Variants in BCL2L13 observed in about 807,000 individuals in gnomAD.
BCL2L13 encodes BCL2 like 13, also known as bcl-2-like protein 13.
BCL2L13 carries 13 observed loss-of-function variants against 25.8 expected under a neutral mutation model. That is an observed-to-expected ratio of 0.50 (90% CI 0.33 to 0.80). The LOEUF is 0.80. Ranked by LOEUF, BCL2L13 falls within the 30% of genes least tolerant of loss-of-function variation. BCL2L13 has a pLI of 0.02. For synonymous variants in BCL2L13, 244 were observed against 230.3 expected, an observed-to-expected ratio of 1.06 and a Z score of -0.54; for missense variants, 504 against 574.9, an observed-to-expected ratio of 0.88 and a Z score of 1.26.
chr22:17,699,306 G>A (rs1381294815), intron 5 of BCL2L13, among the ~76,000 whole-genome samples: 1 of 152,148 alleles, frequency 6.6e-6, no homozygotes, highest in East Asian at 1.9e-4. Context: ...ATATGTCACT[G>A]TTATCATAAA....
At chr22:17,717,393 ATGT>A (rs921679933) in intron 6 of BCL2L13, among the ~76,000 whole-genome samples, 7 of 151,662 alleles carry the variant, frequency 4.6e-5, no homozygotes, top group Non-Finnish European at 8.8e-5. Flanking sequence ...AAAAGATCCA[ATGT>A]TGTTGTTCCC....
intron 2 of BCL2L13, among the ~76,000 whole-genome samples, chr22:17,662,091 A>T (rs1216565906): frequency 6.6e-6 from 1 of 152,138 alleles, no homozygotes; most frequent in Admixed American, 6.6e-5. Context: ...CAATGAATTT[A>T]TATTTCTGAT....
chr22:17,641,170 A>G (rs923554165), intron 1 of BCL2L13, among the ~76,000 whole-genome samples: 2 of 152,272 alleles, frequency 1.3e-5, no homozygotes, highest in East Asian at 1.9e-4. Flanking sequence ...GATTACAGGC[A>G]TGAGCCACTG....
At chr22:17,675,051 A>AATAC (rs746846177) in intron 2 of BCL2L13, among the ~76,000 whole-genome samples, 12 of 148,074 alleles carry the variant, frequency 8.1e-5, no homozygotes, top group South Asian at 2.2e-4. Context: ...GGGAAAGCCA[A>AATAC]ATACATACAT....
At chr22:17,725,351 T>C (rs2061266082) in intron 6 of BCL2L13, among the ~76,000 whole-genome samples, 1 of 152,210 alleles carries the variant, frequency 6.6e-6, no homozygotes, top group South Asian at 2.1e-4. Context: ...CAGGGCTCTG[T>C]CCTTATCTTC....
intron 6 of BCL2L13, among the ~76,000 whole-genome samples, chr22:17,721,403 T>C (rs540005765): frequency 3.0e-4 from 46 of 152,160 alleles, no homozygotes; most frequent in Non-Finnish European, 6.5e-4. Context: ...TTTGTTATGC[T>C]GCAAAAAGCT....
intron 1 of BCL2L13, among the ~76,000 whole-genome samples, chr22:17,648,954 A>T (rs2058585757): frequency 6.6e-6 from 1 of 152,164 alleles, no homozygotes; most frequent in Non-Finnish European, 1.5e-5. Flanking sequence ...TTTTAATTAG[A>T]GGCAGGGTGT....
rs1232064181 is a variant in BCL2L13, at chr22:17,702,120, TA to T, written c.457-122del. 8.8e-6 allele frequency: 7 copies of T among 795,950 alleles called. No individual in the cohort carries two copies. The Admixed American group carries it at 9.0e-5, about 10-fold the overall frequency. The allele number at this position is 795,950 out of a possible 1,614,324, so 49.3% of individuals were successfully genotyped here. A position where few individuals can be genotyped will look rare whatever the true frequency, so the allele number is the denominator to read the frequency against. ...ATAGAAGTTACTGTTTTATTTCCTT[TA>T]TATAATGAAAATAAAAATACCTTAA... On this transcript the variant is annotated intron_variant, in intron 5 of 6. Coordinates refer to ENST00000317582, the MANE Select transcript of BCL2L13 (RefSeq NM_015367.4).
At position 17,727,573 on chromosome 22, in the gene BCL2L13, T is replaced by C; in HGVS notation, c.*39T>C. On this transcript the variant is annotated 3_prime_UTR_variant, in exon 7 of 7. Coordinates refer to ENST00000317582, the MANE Select transcript of BCL2L13 (RefSeq NM_015367.4). ...AGAGAAAGACAGAAGGATGTAAGGT[T>C]GGAGTTGTATTGGCTGGAATTTGAA... The C allele has an allele frequency of 3.1e-6, 5 of 1,603,808 alleles. No homozygotes were observed. The highest frequency in any genetic ancestry group is 4.3e-6 in the Non-Finnish European group (5 of 1,174,052).
At chr22:17,707,900 G>C (rs1269638424) in intron 6 of BCL2L13, among the ~76,000 whole-genome samples, 1 of 151,862 alleles carries the variant, frequency 6.6e-6, no homozygotes, top group African/African-American at 2.4e-5. Flanking sequence ...CAAAAAAAAA[G>C]TGAAACAAAA....
At chr22:17,665,617 T>A (rs1176720449) in intron 2 of BCL2L13, among the ~76,000 whole-genome samples, 1 of 152,174 alleles carries the variant, frequency 6.6e-6, no homozygotes, top group Non-Finnish European at 1.5e-5. Context: ...AAGGTGAGAT[T>A]TGGGTTGGGA....
chr22:17,656,594 G>A (rs866899826), intron 2 of BCL2L13, among the ~76,000 whole-genome samples: 3 of 151,608 alleles, frequency 2.0e-5, no homozygotes, highest in South Asian at 2.1e-4. Context: ...GTGATCGCCC[G>A]CCTCGGCCTC....
chr22:17,720,925 A>G (rs28740854), intron 6 of BCL2L13, among the ~76,000 whole-genome samples: 2 of 151,886 alleles, frequency 1.3e-5, no homozygotes, highest in Non-Finnish European at 2.9e-5. Flanking sequence ...CCAGAACTTT[A>G]GGAGGCCGAG....
chr22:17,638,228 G>C (rs7284675), upstream of BCL2L13: 3,311 of 155,660 alleles, frequency 0.021, 112 homozygotes, highest in African/African-American at 0.075. Flanking sequence ...TACTAGTTAA[G>C]ACTTCCTTCA....
chr22:17,713,819 C>T (rs1344930553), intron 6 of BCL2L13, among the ~76,000 whole-genome samples: 1 of 151,700 alleles, frequency 6.6e-6, no homozygotes, highest in Admixed American at 6.6e-5. Flanking sequence ...TAAGTGGAAC[C>T]ATCATAAGTT....
At chr22:17,662,717 G>A (rs1208930726) in intron 2 of BCL2L13, among the ~76,000 whole-genome samples, 2 of 151,854 alleles carry the variant, frequency 1.3e-5, no homozygotes, top group Non-Finnish European at 2.9e-5. Flanking sequence ...TACTCAGGAG[G>A]CTGAGGTGGA....
chr22:17,705,604 C>CT (rs941963154), intron 6 of BCL2L13, among the ~76,000 whole-genome samples: 135 of 150,094 alleles, frequency 9.0e-4, no homozygotes, highest in African/African-American at 2.5e-3. Flanking sequence ...GCCGATATTG[C>CT]TTTTTTTTTA....
intron 2 of BCL2L13, among the ~76,000 whole-genome samples, chr22:17,675,531 T>G (rs1377311653): frequency 6.6e-6 from 1 of 152,204 alleles, no homozygotes; most frequent in Non-Finnish European, 1.5e-5. Flanking sequence ...TTTCTGTCAT[T>G]GAAGTATGTT....
chr22:17,685,881 C>T (rs1016767369), intron 3 of BCL2L13, among the ~76,000 whole-genome samples: 9 of 146,818 alleles, frequency 6.1e-5, no homozygotes, highest in African/African-American at 2.3e-4. Context: ...ACGCCATTCT[C>T]CTGCCTCAGC....
Sources: gnomAD v4.1 joint callset for allele counts (sites outside exome capture counted in the v4.1 genomes callset) on GRCh38, gnomAD v4.1.1 for gene constraint, MANE v1.5 for transcripts, NCBI Gene and HGNC (gene_info 2026-07-23, HGNC 2026-07-21) for gene names.